The following GPBP1 variants were observed in gnomAD, a reference collection of about 807,000 sequenced individuals.
GPBP1 encodes vasculin.
A neutral mutation model predicts 56.5 loss-of-function variants in GPBP1; 13 were observed. That is an observed-to-expected ratio of 0.23 (90% confidence interval 0.15 to 0.37). The LOEUF (loss-of-function observed/expected upper bound fraction) is 0.37. Among genes scored for constraint, GPBP1 ranks in the 10% least tolerant of loss-of-function variants. GPBP1 has a pLI of 1.00. For synonymous variants in GPBP1, 204 were observed against 188.9 expected (o/e 1.08, Z -0.66); for missense variants, 477 against 572.3 (o/e 0.83, Z 1.70).
At chr5:57,254,452 T>C (rs745465635) in intron 10 of GPBP1, among the ~76,000 whole-genome samples, 7 of 152,286 alleles carry the variant, frequency 4.6e-5, no homozygotes, top group South Asian at 2.1e-4. Context: ...CCCAGCACTT[T>C]GGAAGGCTAA....
Position 57,231,282 on chromosome 5 carries a change from A to C in GPBP1, c.372A>C (p.Glu124Asp), listed in dbSNP as rs1488876777. 2 of 1,613,872 alleles carry C rather than the reference A, an allele frequency of 1.2e-6. No homozygotes were observed. The highest frequency in any genetic ancestry group is 1.3e-5 in the African/African-American group (1 of 74,932). Reference protein sequence around the residue: ...NIPDNETGRKEDKRERKQFEA... With the variant: ...NIPDNETGRKDDKRERKQFEA... ...CTGACAATGAAACCGGGAGGAAAGA[A>C]GACAAGAGAGAACGCAAACAGTTTG... The change falls in exon 5 of 12, where the codon GAA becomes GAC. Residue 124 changes from glutamate to aspartate, a missense_variant. By Grantham distance (45) the Glu-to-Asp change is conservative. Coordinates refer to ENST00000506184, the MANE Select transcript of GPBP1 (RefSeq NM_022913.4).
At chr5:57,225,035 A>G (rs919494277) in intron 3 of GPBP1, among the ~76,000 whole-genome samples, 20 of 152,114 alleles carry the variant, frequency 1.3e-4, no homozygotes, top group Admixed American at 7.9e-4. Context: ...TGAAAAGTCT[A>G]GGTTCAAGTA....
chr5:57,181,314 T>C (rs543184352), intron 2 of GPBP1, among the ~76,000 whole-genome samples: 105 of 151,954 alleles, frequency 6.9e-4, no homozygotes, highest in South Asian at 1.2e-3. Context: ...CAGCCTGGGT[T>C]GCAGAGTGAC....
chr5:57,236,472 CAT>C (rs1420679723), intron 6 of GPBP1, among the ~76,000 whole-genome samples: 2 of 152,042 alleles, frequency 1.3e-5, no homozygotes, highest in African/African-American at 4.8e-5. Context: ...TATATATACA[CAT>C]ATATGTATAG....
intron 2 of GPBP1, among the ~76,000 whole-genome samples, chr5:57,190,509 A>G (rs986997092): frequency 4.6e-5 from 7 of 151,722 alleles, no homozygotes; most frequent in African/African-American, 1.7e-4. Context: ...ACTTGAACCC[A>G]GGAGGTGGAG....
chr5:57,174,968 C>T (rs564964248), intron 1 of GPBP1, among the ~76,000 whole-genome samples: 3 of 152,276 alleles, frequency 2.0e-5, no homozygotes, highest in Admixed American at 6.5e-5. Context: ...AATATGCCTC[C>T]TCTAGTAGAC....
rs763317764 is a variant in GPBP1, at chr5:57,250,987, A to G, written c.1006A>G (p.Ser336Gly). 1.9e-6 allele frequency: 3 copies of G among 1,608,866 alleles called. No individual in the cohort carries two copies. The highest frequency in any genetic ancestry group is 2.5e-6 in the Non-Finnish European group (3 of 1,177,376). The change falls in exon 10 of 12, where the codon AGT becomes GGT. Residue 336 changes from serine to glycine, a missense_variant. By Grantham distance (56) the Ser-to-Gly change is moderately conservative. Coordinates refer to ENST00000506184, the MANE Select transcript of GPBP1 (RefSeq NM_022913.4). Reference protein sequence around the residue: ...DDSFNLHNSNSTHQERDINRN... With the variant: ...DDSFNLHNSNGTHQERDINRN... ...CTCATTTAATTTACATAACAGCAAT[A>G]GTACTCACCAAGAAAGGGATATAAA...
chr5:57,212,529 A>C (rs897906851), intron 2 of GPBP1, among the ~76,000 whole-genome samples: 3 of 152,076 alleles, frequency 2.0e-5, no homozygotes, highest in Non-Finnish European at 4.4e-5. Flanking sequence ...ATTCCTCTTA[A>C]GGTTTTCAAG....
At chr5:57,198,820 T>A (rs1754876685) in intron 2 of GPBP1, among the ~76,000 whole-genome samples, 1 of 152,164 alleles carries the variant, frequency 6.6e-6, no homozygotes, top group Non-Finnish European at 1.5e-5. Flanking sequence ...GTCTCAAATA[T>A]TTATTAGTAA....
chr5:57,241,776 CT>C (rs1180180642), intron 6 of GPBP1, among the ~76,000 whole-genome samples: 3 of 152,200 alleles, frequency 2.0e-5, no homozygotes, highest in Admixed American at 6.5e-5. Flanking sequence ...GTATTAAGGT[CT>C]GTCATCAATA....
At chr5:57,253,188 A>G (rs1741474984) in intron 10 of GPBP1, among the ~76,000 whole-genome samples, 1 of 152,182 alleles carries the variant, frequency 6.6e-6, no homozygotes, top group Admixed American at 6.5e-5. Flanking sequence ...CCCTTACTGT[A>G]TTCCTTAAAT....
At position 57,241,547 on chromosome 5, in the gene GPBP1, G is replaced by A. The variant is rs1022610982; in HGVS notation, c.479-4753G>A. 3.3e-5 allele frequency among the ~76,000 whole-genome samples: 5 copies of A among 152,128 alleles called. No homozygotes were observed. In the East Asian group the frequency reaches 7.7e-4, roughly 23 times the overall value. On this transcript the variant is annotated intron_variant, in intron 6 of 11. Coordinates refer to ENST00000506184, the MANE Select transcript of GPBP1 (RefSeq NM_022913.4). Reference sequence around the variant, plus strand: ...TTGAGACCAGCCTGGGCAGCATAGTGAACCTTGTCTCTACAAAAATAAAAA... The same window carrying A: ...TTGAGACCAGCCTGGGCAGCATAGTAAACCTTGTCTCTACAAAAATAAAAA...
chr5:57,200,360 A>ATTTTTT (rs70999063), intron 2 of GPBP1, among the ~76,000 whole-genome samples: 26 of 69,812 alleles, frequency 3.7e-4, no homozygotes, highest in African/African-American at 4.2e-4. Context: ...ATAAGTTTGA[A>ATTTTTT]TTTTTTTTTT....
intron 2 of GPBP1, among the ~76,000 whole-genome samples, chr5:57,200,489 T>G (rs1425570013): frequency 6.8e-6 from 1 of 147,212 alleles, no homozygotes; most frequent in Non-Finnish European, 1.5e-5. Context: ...TGCCTCAGCC[T>G]CCCTAGTAGC....
chr5:57,214,025 T>G (rs1755603799), intron 2 of GPBP1, 49 bp from the exon 3 acceptor site: 1 of 805,368 alleles, frequency 1.2e-6, no homozygotes, highest in Non-Finnish European at 2.1e-6. Context: ...AAGGCGCTAA[T>G]TTTTGGCCAG....
chr5:57,177,716 G>T (rs1464812205), intron 2 of GPBP1, among the ~76,000 whole-genome samples: 1 of 132,038 alleles, frequency 7.6e-6, no homozygotes, highest in Non-Finnish European at 1.5e-5. Flanking sequence ...GGTCAGGCTA[G>T]CCTCGAACTC....
chr5:57,237,277 T>C, intron 6 of GPBP1: 1 of 811,652 alleles, frequency 1.2e-6, no homozygotes, highest in Non-Finnish European at 2.1e-6. Context: ...TAGGAATAAT[T>C]TGGATTTGAT....
At chr5:57,179,207 TA>T (rs1468706492) in intron 2 of GPBP1, among the ~76,000 whole-genome samples, 2 of 152,256 alleles carry the variant, frequency 1.3e-5, no homozygotes, top group South Asian at 2.1e-4. Context: ...TTATCTTTGA[TA>T]TTTTTTTCTT....
intron 3 of GPBP1, among the ~76,000 whole-genome samples, chr5:57,219,392 A>AAAAAAAAAAC (rs1755835741): frequency 1.3e-5 from 1 of 76,524 alleles, no homozygotes; most frequent in Non-Finnish European, 2.1e-5. Flanking sequence ...AAAAAAAAAA[A>AAAAAAAAAAC]AAAAAAAAAA....
Sources: allele counts gnomAD v4.1 joint callset (sites outside exome capture counted in the v4.1 genomes callset), GRCh38; gene constraint gnomAD v4.1.1; transcripts MANE v1.5; gene names NCBI Gene and HGNC (gene_info 2026-07-23, HGNC 2026-07-21).